The following SLC22A2 variants were observed in gnomAD, a reference collection of about 807,000 sequenced individuals.
SLC22A2 encodes the protein organic cation transporter 2.
Under a neutral mutation model 60.5 loss-of-function variants are expected in SLC22A2, and 46 were observed. The ratio of observed to expected loss-of-function variants is 0.76; its 90% confidence interval spans 0.60 to 0.97. SLC22A2 has a LOEUF of 0.97. Among genes scored for constraint, SLC22A2 ranks in the 50% least tolerant of loss-of-function variants. The probability of loss-of-function intolerance (pLI) is 0.00; values close to 1 mark genes in which losing one functional copy is unlikely to be tolerated. For synonymous variants in SLC22A2, 303 were observed against 267.0 expected, an observed-to-expected ratio of 1.13 and a Z score of -1.31; for missense variants, 701 against 706.6, an observed-to-expected ratio of 0.99 and a Z score of 0.09.
rs1783150131 is a variant in SLC22A2, at chr6:160,249,475, A to T, written c.674-91T>A. 11 of 908,944 alleles carry T rather than the reference A, an allele frequency of 1.2e-5. No individual in the cohort carries two copies. In the South Asian group the frequency reaches 1.6e-4, roughly 14 times the overall value. 56.3% of individuals were successfully genotyped at this position (908,944 alleles called of 1,614,324 possible). ...GGAAACTAGAACACCAACCTCAAAA[A>T]TATAGACAAATTCTAGAATATTCTA... On this transcript the variant is annotated intron_variant, in intron 3 of 10. Coordinates refer to ENST00000366953, the MANE Select transcript of SLC22A2 (RefSeq NM_003058.4).
chr6:160,253,529 T>G (rs557420730), intron 2 of SLC22A2, among the ~76,000 whole-genome samples: 2 of 152,254 alleles, frequency 1.3e-5, no homozygotes, highest in African/African-American at 4.8e-5. Context: ...AAGCCCCGCC[T>G]CCAGAGTCAA....
intron 7 of SLC22A2, 125 bp downstream of exon 7, chr6:160,243,447 G>GC (rs1783043290): frequency 1.3e-6 from 1 of 761,444 alleles, no homozygotes; most frequent in Non-Finnish European, 2.2e-6. Context: ...CCCAGATACT[G>GC]CCCTCCAATT....
intron 9 of SLC22A2, among the ~76,000 whole-genome samples, chr6:160,228,334 C>T (rs910021939): frequency 3.9e-5 from 6 of 152,222 alleles, no homozygotes; most frequent in South Asian, 2.1e-4. Context: ...AGGTAAAGGA[C>T]GTGATTGGGT....
In SLC22A2 at chr6:160,232,385, T is replaced by C. The variant is rs553997582; in HGVS notation, c.1502-7581A>G. The stretch of plus-strand genomic sequence containing the variant: ...TATCTTCCACATCTATCATTGAGGC[T>C]ACCGCTCTGCCCCCCACTATCTCTC... On this transcript the variant is annotated intron_variant, in intron 9 of 10. Coordinates refer to ENST00000366953, the MANE Select transcript of SLC22A2 (RefSeq NM_003058.4). 8.7e-4 allele frequency among the ~76,000 whole-genome samples: 132 copies of C among 152,018 alleles called. 5 individuals are homozygous for C. The highest frequency in any genetic ancestry group is 3.1e-3 in the African/African-American group (127 of 41,306).
chr6:160,227,951 G>C (rs576498913), intron 9 of SLC22A2, among the ~76,000 whole-genome samples: 1 of 152,278 alleles, frequency 6.6e-6, no homozygotes, highest in East Asian at 1.9e-4. Context: ...GGCAACATCA[G>C]GAAGTTACCC....
intron 9 of SLC22A2, among the ~76,000 whole-genome samples, chr6:160,238,359 G>T (rs2448295): frequency 0.7 from 106,312 of 152,204 alleles, 38,985 homozygotes; most frequent in Admixed American, 0.82. Context: ...AGATTCACTT[G>T]GTTATTGTAT....
chr6:160,219,260 A>G lies in SLC22A2; in HGVS notation c.1602-1762T>C, dbSNP rs1173264207. On this transcript the variant is annotated intron_variant, in intron 10 of 10. Coordinates refer to ENST00000366953, the MANE Select transcript of SLC22A2 (RefSeq NM_003058.4). Reference sequence around the variant, plus strand: ...AGCAACAACAGTAACAACAGTAGAAATAAGTACAATAGCAATAACAACAGT... The same window carrying G: ...AGCAACAACAGTAACAACAGTAGAAGTAAGTACAATAGCAATAACAACAGT... Among the ~76,000 whole-genome samples, 3 of 125,032 alleles carry G rather than the reference A, an allele frequency of 2.4e-5. No individual in the cohort carries two copies. In the Admixed American group the frequency reaches 2.7e-4, roughly 11 times the overall value. 82.0% of individuals were successfully genotyped at this position (125,032 alleles called of 152,430 possible). A position where few individuals can be genotyped will look rare whatever the true frequency, so the allele number is the denominator to read the frequency against.
At chr6:160,231,692 C>G (rs1390164711) in intron 9 of SLC22A2, among the ~76,000 whole-genome samples, 1 of 151,880 alleles carries the variant, frequency 6.6e-6, no homozygotes, top group African/African-American at 2.4e-5. Context: ...AACCCATATA[C>G]TCTCCTATCC....
At position 160,242,411 on chromosome 6, in the gene SLC22A2, G is replaced by T; in HGVS notation, c.1280-9C>A. Reference sequence around the variant, plus strand: ...TTTTAGCCATTGTAGATCTAAGAGGGAAAAGAACAGTACTTATCCGTACAC... The same window carrying T: ...TTTTAGCCATTGTAGATCTAAGAGGTAAAAGAACAGTACTTATCCGTACAC... On this transcript the variant is annotated splice_polypyrimidine_tract_variant and intron_variant, in intron 7 of 10. Coordinates refer to ENST00000366953, the MANE Select transcript of SLC22A2 (RefSeq NM_003058.4). 7.2e-7 allele frequency: 1 copy of T among 1,391,948 alleles called. No homozygotes were observed. Among genetic ancestry groups the T allele is most frequent in the Non-Finnish European group, 1.0e-6 (1 of 977,292 alleles). The allele number at this position is 1,391,948 out of a possible 1,614,324, so 86.2% of individuals were successfully genotyped here.
intron 2 of SLC22A2, among the ~76,000 whole-genome samples, chr6:160,251,060 G>A (rs531461267): frequency 3.3e-4 from 50 of 152,332 alleles, no homozygotes; most frequent in African/African-American, 1.2e-3. Context: ...CATGTGAGCT[G>A]CGGCCTTTGC....
rs990489525 is a variant in SLC22A2 at position 160,217,350 on chromosome 6, C to A, written c.*82G>T. Reference sequence around the variant, plus strand: ...GGTAAGTTTGGTTGAGTTGTATGGGCTTTGTGATGAGTGCAGGGATTTCTA... The same window carrying A: ...GGTAAGTTTGGTTGAGTTGTATGGGATTTGTGATGAGTGCAGGGATTTCTA... On this transcript the variant is annotated 3_prime_UTR_variant, in exon 11 of 11. Transcript: ENST00000366953. 8 of 843,752 alleles carry A rather than the reference C, an allele frequency of 9.5e-6. No individual in the cohort carries two copies. The highest frequency in any genetic ancestry group is 1.5e-5 in the Non-Finnish European group (8 of 516,886). The allele number at this position is 843,752 out of a possible 1,614,324, so 52.3% of individuals were successfully genotyped here. A position where few individuals can be genotyped will look rare whatever the true frequency, so the allele number is the denominator to read the frequency against.
Position 160,258,734 on chromosome 6 carries a change from G to C in SLC22A2, c.24C>G (p.Val8=). The C allele has an allele frequency of 6.4e-7, 1 of 1,573,516 alleles. No individual in the cohort carries two copies. The highest frequency in any genetic ancestry group is 8.6e-7 in the Non-Finnish European group (1 of 1,157,992). The change falls in exon 1 of 11, where the codon GTC becomes GTG. Residue 8 remains valine, a synonymous_variant. Coordinates refer to ENST00000366953, the MANE Select transcript of SLC22A2 (RefSeq NM_003058.4). ...AGTGAAACTCCCCTCCATGCTCCAG[G>C]ACATCGTCCACGGTGGTGGGCATGA... MPTTVDD[V]LEHGGEFHFF...
In SLC22A2 at chr6:160,249,296, C is replaced by A. The variant is rs1783146628; in HGVS notation, c.762G>T (p.Gly254=). Residue 254 remains glycine, a synonymous_variant, in exon 4 of 11, where the codon GGG becomes GGT. Transcript: ENST00000366953. The stretch of plus-strand genomic sequence containing the variant: ...TCCAGTGAGGAAGTGCGTAAGCCAC[C>A]CCAGCTAGCACCAGGAGCCCAACTG... ...AYTVGLLVLA[G]VAYALPHWRW... The A allele has an allele frequency of 6.2e-7, 1 of 1,613,182 alleles. No individual in the cohort carries two copies. The highest frequency in any genetic ancestry group is 1.1e-5 in the South Asian group (1 of 91,008).
chr6:160,246,663 C>G (rs888833922), intron 5 of SLC22A2, among the ~76,000 whole-genome samples: 1 of 152,132 alleles, frequency 6.6e-6, no homozygotes, highest in Non-Finnish European at 1.5e-5. Flanking sequence ...AGGAGAATCG[C>G]TTGAACCTGG....
intron 10 of SLC22A2, among the ~76,000 whole-genome samples, chr6:160,218,682 T>G (rs1041355852): frequency 0.18 from 240 of 1,304 alleles, 1 homozygote; most frequent in African/African-American, 0.33. Flanking sequence ...ATAGTAACAG[T>G]AACAGCATCA....
rs774203224 is a variant in SLC22A2, at chr6:160,258,669, G to C, written c.89C>G (p.Ser30Trp). 4 of 1,613,106 alleles carry C rather than the reference G, an allele frequency of 2.5e-6. No homozygotes were observed. Among genetic ancestry groups the C allele is most frequent in the Admixed American group, 1.7e-5 (1 of 59,882 alleles). Residue 30 changes from serine to tryptophan, a missense_variant, in exon 1 of 11, where the codon TCG (serine) becomes TGG (tryptophan). By Grantham distance (177) the Ser-to-Trp change is radical. Transcript: ENST00000366953. ...CACGTAGATGGGCGCGAAGGTAGCCGAGAGCAGAGCCAAGAGGAAAAACAT... is the reference window on the plus strand; with the variant it reads ...CACGTAGATGGGCGCGAAGGTAGCCCAGAGCAGAGCCAAGAGGAAAAACAT... ...KQMFFLLALL[S>W]ATFAPIYVGI... is the part of the protein sequence containing the mutation.
intron 9 of SLC22A2, among the ~76,000 whole-genome samples, chr6:160,234,469 C>T (rs916026991): frequency 6.6e-6 from 1 of 152,172 alleles, no homozygotes; most frequent in African/African-American, 2.4e-5. Context: ...CCTTCCCCAC[C>T]CTGCCACAGG....
At chr6:160,223,044 T>G (rs935608688) in intron 10 of SLC22A2, among the ~76,000 whole-genome samples, 2 of 152,302 alleles carry the variant, frequency 1.3e-5, no homozygotes, top group East Asian at 3.9e-4. Flanking sequence ...ACCACTGTGA[T>G]TTACCAGCAT....
At chr6:160,217,713 G>A (rs2450974) in intron 10 of SLC22A2, among the ~76,000 whole-genome samples, 127,774 of 151,774 alleles carry the variant, frequency 0.84, 54,570 homozygotes, top group Admixed American at 0.91. Flanking sequence ...AAATTATCTT[G>A]TTGAATTGGT....
Sources: gnomAD v4.1 joint callset for allele counts (sites outside exome capture counted in the v4.1 genomes callset) on GRCh38, gnomAD v4.1.1 for gene constraint, MANE v1.5 for transcripts, NCBI Gene and HGNC (gene_info 2026-07-23, HGNC 2026-07-21) for gene names.